Variants in AFAP1L2 observed in about 807,000 individuals in gnomAD.
AFAP1L2 encodes the protein actin filament-associated protein 1-like 2.
Under a neutral mutation model 99.3 loss-of-function variants are expected in AFAP1L2, and 46 were observed. That is an observed-to-expected ratio of 0.46 (90% CI 0.37 to 0.59). AFAP1L2 has a LOEUF of 0.59. Ranked by LOEUF, AFAP1L2 falls within the 20% of genes least tolerant of loss-of-function variation. The pLI, the probability that AFAP1L2 is intolerant of heterozygous loss-of-function variation, is 0.00. For synonymous variants in AFAP1L2, 397 were observed against 419.1 expected, an observed-to-expected ratio of 0.95 and a Z score of 0.64; for missense variants, 959 against 1,034.9, an observed-to-expected ratio of 0.93 and a Z score of 1.01.
In AFAP1L2 at chr10:114,381,465, AC is replaced by A. The variant is rs1472665085; in HGVS notation, c.16+22974del. Among the ~76,000 whole-genome samples, 4 of 152,270 alleles carry A rather than the reference AC, an allele frequency of 2.6e-5. No homozygotes were observed. In the East Asian group the frequency reaches 7.7e-4, roughly 29 times the overall value. On this transcript the variant is annotated intron_variant, in intron 1 of 18. Transcript: ENST00000304129. ...AGATGATGAAAATGTTCTGAAATGA[AC>A]TGTGATGATGGTGGCCCATGTCCGT...
chr10:114,334,042 T>C (rs946051949), intron 2 of AFAP1L2, among the ~76,000 whole-genome samples: 6 of 152,146 alleles, frequency 3.9e-5, no homozygotes, highest in African/African-American at 7.2e-5. Flanking sequence ...TAGGGGGCCA[T>C]TGGATGGGTG....
intron 1 of AFAP1L2, among the ~76,000 whole-genome samples, chr10:114,399,338 G>A (rs2058032548): frequency 6.6e-6 from 1 of 152,334 alleles, no homozygotes; most frequent in South Asian, 2.1e-4. Context: ...GGAGTCAGGG[G>A]AGGCTTCCTG....
chr10:114,366,281 G>A (rs1416088113), intron 1 of AFAP1L2, among the ~76,000 whole-genome samples: 1 of 152,170 alleles, frequency 6.6e-6, no homozygotes, highest in Non-Finnish European at 1.5e-5. Context: ...GCTGTAAAAG[G>A]CATGCTTGGT....
chr10:114,341,778 T>C (rs2048864788), intron 1 of AFAP1L2, among the ~76,000 whole-genome samples: 1 of 152,072 alleles, frequency 6.6e-6, no homozygotes, highest in African/African-American at 2.4e-5. Context: ...TCTTCACACA[T>C]CATGGTCTTC....
At chr10:114,358,419 A>G (rs1217536135) in intron 1 of AFAP1L2, among the ~76,000 whole-genome samples, 1 of 152,180 alleles carries the variant, frequency 6.6e-6, no homozygotes, top group African/African-American at 2.4e-5. Context: ...ATATCTCATC[A>G]TCCCTTAGAT....
chr10:114,375,272 C>T (rs1274937465), intron 1 of AFAP1L2, among the ~76,000 whole-genome samples: 1 of 152,190 alleles, frequency 6.6e-6, no homozygotes, highest in Non-Finnish European at 1.5e-5. Flanking sequence ...GGCTACCATG[C>T]CAGAATTGAG....
At chr10:114,340,523 T>A (rs2048664569) in intron 2 of AFAP1L2, 80 bp downstream of exon 2, 1 of 1,507,678 alleles carries the variant, frequency 6.6e-7, no homozygotes, top group Admixed American at 2.1e-5. Context: ...CCTGTGATCC[T>A]TAGCTATGGC....
chr10:114,297,069 T>C lies in AFAP1L2; in HGVS notation c.2339A>G (p.Asp780Gly). The C allele has an allele frequency of 3.1e-6, 5 of 1,613,886 alleles. No homozygotes were observed. The South Asian group carries it at 5.5e-5, about 18-fold the overall frequency. ...GGTTGCAGAGTTGACTGGGGTACAG[T>C]CTGGGGCAGAGGCAGGTGTGACAGC... ...PKAVTPASAP[D>G]CTPVNSATTL... The change falls in exon 18 of 19, where the codon GAC becomes GGC. Residue 780 changes from aspartate (D) to glycine (G), a missense_variant. By Grantham distance (94) the Asp-to-Gly change is moderately conservative. Coordinates refer to ENST00000304129, the MANE Select transcript of AFAP1L2 (RefSeq NM_001001936.3).
intron 8 of AFAP1L2, among the ~76,000 whole-genome samples, chr10:114,308,777 A>G (rs1198777852): frequency 6.6e-6 from 1 of 152,188 alleles, no homozygotes; most frequent in Non-Finnish European, 1.5e-5. Context: ...GTGGCATTAG[A>G]GTCTGCATCC....
chr10:114,309,210 C>G (rs918209869), intron 8 of AFAP1L2, among the ~76,000 whole-genome samples: 1 of 152,228 alleles, frequency 6.6e-6, no homozygotes, highest in South Asian at 2.1e-4. Context: ...CAGTCCCTGG[C>G]CAAGGAAGCA....
At chr10:114,297,166 CCCATGT>C in intron 17 of AFAP1L2, 48 bp downstream of exon 17, 1 of 1,226,200 alleles carries the variant, frequency 8.2e-7, no homozygotes, top group Non-Finnish European at 1.1e-6. Context: ...CCCACCCCAA[CCCATGT>C]CCAGGGAGCC....
chr10:114,341,404 G>A (rs1035333603), intron 1 of AFAP1L2, among the ~76,000 whole-genome samples: 1 of 152,060 alleles, frequency 6.6e-6, no homozygotes, highest in Non-Finnish European at 1.5e-5. Flanking sequence ...ACAAGGTCAG[G>A]AGATTGAGAC....
intron 10 of AFAP1L2, among the ~76,000 whole-genome samples, chr10:114,305,700 C>CG (rs2134238666): frequency 2.3e-5 from 1 of 43,994 alleles, no homozygotes; most frequent in Non-Finnish European, 4.2e-5. Flanking sequence ...CAGGAGGGAG[C>CG]GGGGCTGGAG....
intron 1 of AFAP1L2, among the ~76,000 whole-genome samples, chr10:114,344,990 G>A (rs1185623022): frequency 5.3e-5 from 8 of 151,850 alleles, no homozygotes; most frequent in East Asian, 3.9e-4. Context: ...CCAGCTACCC[G>A]GGGGGCTGAG....
the AFAP1L2 span, chr10:114,282,384 C>G: frequency 7.5e-3 from 5,433 of 726,136 alleles, 219 homozygotes; most frequent in African/African-American, 0.084. Context: ...AATCAAGAAA[C>G]AAAACCAGGA....
At chr10:114,287,721 G>A in the AFAP1L2 span, among the ~76,000 whole-genome samples, 2 of 152,106 alleles carry the variant, frequency 1.3e-5, no homozygotes, top group African/African-American at 4.8e-5. Context: ...TAGATTTATA[G>A]GAAAAAATAA....
the AFAP1L2 span, among the ~76,000 whole-genome samples, chr10:114,281,518 G>A: frequency 0.66 from 99,995 of 152,206 alleles, 38,658 homozygotes; most frequent in Non-Finnish European, 0.84. Flanking sequence ...GGTAGCTGTG[G>A]TTCATGGAAC....
chr10:114,332,522 A>G (rs2047388034), intron 3 of AFAP1L2, among the ~76,000 whole-genome samples: 1 of 152,208 alleles, frequency 6.6e-6, no homozygotes, highest in South Asian at 2.1e-4. Flanking sequence ...CTTCAACAGG[A>G]CTGAGTGCTT....
the AFAP1L2 span, among the ~76,000 whole-genome samples, chr10:114,281,991 C>A: frequency 0.016 from 2,485 of 150,742 alleles, 76 homozygotes; most frequent in African/African-American, 0.058. Context: ...TCCCTAATTT[C>A]AAATGTGATA....
Sources: gnomAD v4.1 joint callset for allele counts (sites outside exome capture counted in the v4.1 genomes callset) on GRCh38, gnomAD v4.1.1 for gene constraint, MANE v1.5 for transcripts, NCBI Gene and HGNC (gene_info 2026-07-23, HGNC 2026-07-21) for gene names.